The following CLYBL variants were observed in gnomAD, a reference collection of about 807,000 sequenced individuals.
The protein encoded by CLYBL is citramalyl-CoA lyase, mitochondrial.
Under a neutral mutation model 38.9 loss-of-function variants are expected in CLYBL, and 31 were observed. The ratio of observed to expected loss-of-function variants is 0.80; its 90% CI spans 0.60 to 1.08. The LOEUF (loss-of-function observed/expected upper bound fraction) is 1.08. Ranked by LOEUF, CLYBL falls within the 50% of genes least tolerant of loss-of-function variation. CLYBL has a pLI of 0.00. For missense variants in CLYBL, 434 were observed against 411.6 expected (o/e 1.05, Z -0.47); for synonymous variants, 171 against 158.6 (o/e 1.08, Z -0.59).
chr13:99,901,964 G>A (rs577943824), downstream of CLYBL, among the ~76,000 whole-genome samples: 22 of 152,274 alleles, frequency 1.4e-4, no homozygotes, highest in African/African-American at 5.3e-4. Flanking sequence ...TGATCATGCT[G>A]TCTTAATGCA....
At chr13:99,746,186 T>C (rs555081543) in intron 1 of CLYBL, among the ~76,000 whole-genome samples, 209 of 152,274 alleles carry the variant, frequency 1.4e-3, no homozygotes, top group Middle Eastern at 3.4e-3. Flanking sequence ...TAGCAGCCTT[T>C]GAGCTTTTGA....
At chr13:99,838,866 C>T (rs896378022) in intron 2 of CLYBL, among the ~76,000 whole-genome samples, 1 of 152,148 alleles carries the variant, frequency 6.6e-6, no homozygotes, top group African/African-American at 2.4e-5. Context: ...GTCTCAATCT[C>T]CTGACCTCGT....
chr13:99,701,745 G>A (rs983923213), intron 1 of CLYBL, among the ~76,000 whole-genome samples: 6 of 152,160 alleles, frequency 3.9e-5, no homozygotes, highest in Non-Finnish European at 2.9e-5. Flanking sequence ...TGTGATCTCA[G>A]CTCACTGCAA....
At chr13:99,798,647 G>A (rs368816749) in intron 2 of CLYBL, among the ~76,000 whole-genome samples, 9 of 152,150 alleles carry the variant, frequency 5.9e-5, no homozygotes, top group Non-Finnish European at 1.0e-4. Flanking sequence ...AATCCTTACC[G>A]TATGTAAACA....
chr13:99,817,282 AAGGAGACGAGAGGAG>A lies in CLYBL; in HGVS notation c.250-41569_250-41555del, dbSNP rs762312607. ...TATGAGAGAGAGAGAAAGGAGAGGA[AAGGAGACGAGAGGAG>A]AGGAGACGAAAGGAGAGGGGAGGAG... On this transcript the variant is annotated intron_variant, in intron 2 of 8. Transcript: ENST00000339105. Among the ~76,000 whole-genome samples, 40 of 151,744 alleles carry A rather than the reference AAGGAGACGAGAGGAG, an allele frequency of 2.6e-4. No homozygotes were observed. The East Asian group carries it at 5.6e-3, about 21-fold the overall frequency.
intron 7 of CLYBL, chr13:99,884,861 G>A (rs1179436489): frequency 7.2e-6 from 3 of 416,934 alleles, no homozygotes; most frequent in African/African-American, 6.1e-5. Flanking sequence ...GATTCAGCAG[G>A]GATGTGTGAC....
chr13:99,670,073 C>T (rs1053561698), intron 1 of CLYBL, among the ~76,000 whole-genome samples: 1 of 151,782 alleles, frequency 6.6e-6, no homozygotes, highest in Admixed American at 6.6e-5. Context: ...GTGGCATGCA[C>T]CTGTAGTCCC....
chr13:99,626,678 G>A (rs1185073016), intron 1 of CLYBL, among the ~76,000 whole-genome samples: 1 of 152,100 alleles, frequency 6.6e-6, no homozygotes, highest in African/African-American at 2.4e-5. Flanking sequence ...GCTTTCAGGT[G>A]ACTTCACTTC....
At chr13:99,759,247 G>C (rs773442379) in intron 1 of CLYBL, among the ~76,000 whole-genome samples, 5 of 152,218 alleles carry the variant, frequency 3.3e-5, no homozygotes, top group African/African-American at 4.8e-5. Flanking sequence ...AGCTTTCATA[G>C]TCATTTAGGT....
At chr13:99,872,887 C>T (rs746656751) in intron 7 of CLYBL, among the ~76,000 whole-genome samples, 6 of 151,822 alleles carry the variant, frequency 4.0e-5, no homozygotes, top group South Asian at 2.1e-4. Flanking sequence ...CCTGGGAAAA[C>T]GCTCCCAAAG....
chr13:99,867,216 A>C (rs968623788), intron 6 of CLYBL, among the ~76,000 whole-genome samples: 23 of 152,224 alleles, frequency 1.5e-4, no homozygotes, highest in African/African-American at 5.3e-4. Flanking sequence ...TGTTGTTGAA[A>C]GTTCTAAGAA....
intron 2 of CLYBL, among the ~76,000 whole-genome samples, chr13:99,844,660 G>A (rs1453663236): frequency 1.3e-5 from 2 of 152,214 alleles, no homozygotes; most frequent in African/African-American, 4.8e-5. Flanking sequence ...TCCCTGTGGG[G>A]TGACCTGTGT....
intron 1 of CLYBL, among the ~76,000 whole-genome samples, chr13:99,658,944 A>C (rs2047369958): frequency 6.6e-6 from 1 of 152,138 alleles, no homozygotes; most frequent in South Asian, 2.1e-4. Flanking sequence ...TTAGTATTCA[A>C]AGGTAAAGAA....
At chr13:99,619,566 G>T (rs561601035) in intron 1 of CLYBL, among the ~76,000 whole-genome samples, 86 of 152,122 alleles carry the variant, frequency 5.7e-4, no homozygotes, top group Non-Finnish European at 1.1e-3. Context: ...ATATCCTCAG[G>T]TGCTCTTTAA....
intron 1 of CLYBL, among the ~76,000 whole-genome samples, chr13:99,623,606 A>C (rs2046827766): frequency 6.6e-6 from 1 of 152,064 alleles, no homozygotes; most frequent in Non-Finnish European, 1.5e-5. Context: ...TTCCCTCCTT[A>C]GGTCCAGAGA....
chr13:99,757,302 T>TAA (rs2049081570), intron 1 of CLYBL, among the ~76,000 whole-genome samples: 1 of 152,220 alleles, frequency 6.6e-6, no homozygotes, highest in African/African-American at 2.4e-5. Context: ...CAGCATCTAC[T>TAA]TGTACATAAT....
At chr13:99,626,806 G>C (rs1416237639) in intron 1 of CLYBL, among the ~76,000 whole-genome samples, 2 of 152,020 alleles carry the variant, frequency 1.3e-5, no homozygotes, top group East Asian at 3.8e-4. Context: ...TCAAGTTCCA[G>C]TAATCTACCC....
chr13:99,635,953 T>C (rs1358084019), intron 1 of CLYBL, among the ~76,000 whole-genome samples: 1 of 152,256 alleles, frequency 6.6e-6, no homozygotes, highest in African/African-American at 2.4e-5. Context: ...ATTGTGTTGA[T>C]TAAACATTTA....
chr13:99,797,695 G>A (rs911181884), intron 2 of CLYBL, among the ~76,000 whole-genome samples: 1 of 151,976 alleles, frequency 6.6e-6, no homozygotes, highest in Non-Finnish European at 1.5e-5. Flanking sequence ...TACGTTCCAC[G>A]TGATTTTGTG....
Sources: allele counts gnomAD v4.1 joint callset (sites outside exome capture counted in the v4.1 genomes callset), GRCh38; gene constraint gnomAD v4.1.1; transcripts MANE v1.5; gene names NCBI Gene and HGNC (gene_info 2026-07-23, HGNC 2026-07-21).